Variants in SCYL2 observed in about 807,000 individuals in gnomAD.
The protein encoded by SCYL2 is SCY1 like pseudokinase 2, also known as SCY1-like protein 2.
SCYL2 carries 36 observed loss-of-function variants against 100.4 expected under a neutral mutation model. The observed-to-expected ratio is 0.36, with a 90% CI of 0.27 to 0.47. The LOEUF (loss-of-function observed/expected upper bound fraction) is 0.47, where lower values mean the gene tolerates loss of function less well. Ranked by LOEUF, SCYL2 falls within the 20% of genes least tolerant of loss-of-function variation. SCYL2 has a pLI of 1.00. For synonymous variants in SCYL2, 330 were observed against 359.2 expected (o/e 0.92, Z 0.92); for missense variants, 902 against 1,083.9 (o/e 0.83, Z 2.36).
At position 100,334,157 on chromosome 12, in the gene SCYL2, T is replaced by TG; in HGVS notation, c.1762-9_1762-8insG. The TG allele has an allele frequency of 6.7e-7, 1 of 1,488,232 alleles. No homozygotes were observed. Among genetic ancestry groups the TG allele is most frequent in the Non-Finnish European group, 9.3e-7 (1 of 1,070,346 alleles). The allele number at this position is 1,488,232 out of a possible 1,614,324, so 92.2% of individuals were successfully genotyped here. A position where few individuals can be genotyped will look rare whatever the true frequency, so the allele number is the denominator to read the frequency against. On this transcript the variant is annotated splice_polypyrimidine_tract_variant and intron_variant, in intron 13 of 17. Transcript: ENST00000360820. ...ACATTGTAACCATATCAATTTCTCA[T>TG]TATACCAGTTCAATTCTTTCATTTC...
chr12:100,335,250 A>G (rs1024671565), intron 14 of SCYL2, among the ~76,000 whole-genome samples: 33 of 152,236 alleles, frequency 2.2e-4, no homozygotes, highest in East Asian at 1.4e-3. Flanking sequence ...TCTGGCTCAC[A>G]TAACAGTGAT....
At chr12:100,278,390 G>A (rs1389760264) in intron 1 of SCYL2, among the ~76,000 whole-genome samples, 1 of 151,942 alleles carries the variant, frequency 6.6e-6, no homozygotes, top group African/African-American at 2.4e-5. Flanking sequence ...TGTAGAGATG[G>A]GGTCTTACTG....
At chr12:100,291,300 G>C (rs999375126) in intron 2 of SCYL2, among the ~76,000 whole-genome samples, 1 of 152,094 alleles carries the variant, frequency 6.6e-6, no homozygotes, top group African/African-American at 2.4e-5. Context: ...TTTTTCCTGT[G>C]TTCTTTAGAT....
intron 1 of SCYL2, among the ~76,000 whole-genome samples, chr12:100,276,954 C>G (rs1292345102): frequency 6.6e-6 from 1 of 152,028 alleles, no homozygotes; most frequent in Non-Finnish European, 1.5e-5. Flanking sequence ...TTTTCATTCT[C>G]TTCAAAATAT....
chr12:100,306,676 G>C (rs2096334758), intron 4 of SCYL2, among the ~76,000 whole-genome samples: 1 of 152,160 alleles, frequency 6.6e-6, no homozygotes, highest in Non-Finnish European at 1.5e-5. Flanking sequence ...GAAATAAAGG[G>C]TATTCAGATA....
At chr12:100,309,219 T>G (rs1592952595) in intron 4 of SCYL2, among the ~76,000 whole-genome samples, 1 of 152,028 alleles carries the variant, frequency 6.6e-6, no homozygotes, top group East Asian at 1.9e-4. Context: ...TTGGCCATCT[T>G]ACTCTGCCCT....
chr12:100,294,774 G>A (rs111335162), intron 3 of SCYL2, among the ~76,000 whole-genome samples: 1 of 149,092 alleles, frequency 6.7e-6, no homozygotes, highest in Non-Finnish European at 1.5e-5. Context: ...CTCCCGGACG[G>A]GGCGGCTGGC....
At chr12:100,293,836 G>C (rs1020278961) in intron 3 of SCYL2, among the ~76,000 whole-genome samples, 1 of 152,134 alleles carries the variant, frequency 6.6e-6, no homozygotes, top group African/African-American at 2.4e-5. Context: ...AGAGAGCACA[G>C]GGTTGGGGGT....
At chr12:100,296,803 T>A (rs1334349240) in intron 3 of SCYL2, 2 of 152,132 alleles carry the variant, frequency 1.3e-5, no homozygotes, top group Non-Finnish European at 2.9e-5. Context: ...AATGTGTTAA[T>A]GAGCTACGTG....
chr12:100,269,721 C>T (rs748401079), intron 1 of SCYL2, among the ~76,000 whole-genome samples: 18 of 152,126 alleles, frequency 1.2e-4, no homozygotes, highest in Non-Finnish European at 2.6e-4. Context: ...GATTTCCTTA[C>T]CACTGAAGAG....
At chr12:100,294,551 G>T (rs561547499) in intron 3 of SCYL2, among the ~76,000 whole-genome samples, 2 of 141,462 alleles carry the variant, frequency 1.4e-5, no homozygotes, top group African/African-American at 5.3e-5. Flanking sequence ...CTCCCAGACC[G>T]GGCGGCTGGC....
chr12:100,270,424 C>T (rs977870494), intron 1 of SCYL2, among the ~76,000 whole-genome samples: 26 of 152,124 alleles, frequency 1.7e-4, no homozygotes, highest in Admixed American at 1.5e-3. Context: ...TGTCACCCCT[C>T]TGCTACTGCT....
chr12:100,335,939 A>G (rs933780492), intron 16 of SCYL2, 33 bp downstream of exon 16: 2 of 1,519,460 alleles, frequency 1.3e-6, no homozygotes, highest in Non-Finnish European at 1.8e-6. Context: ...CAGCCCTCTT[A>G]TTTTATGCTG....
chr12:100,315,273 CAA>C (rs1256758413), intron 8 of SCYL2, among the ~76,000 whole-genome samples: 2 of 152,100 alleles, frequency 1.3e-5, no homozygotes, highest in African/African-American at 2.4e-5. Context: ...ATGAAGGAAT[CAA>C]GAGGAAAAAC....
intron 9 of SCYL2, 75 bp downstream of exon 9, chr12:100,315,809 G>T: frequency 8.0e-7 from 1 of 1,257,262 alleles, no homozygotes; most frequent in South Asian, 1.9e-5. Context: ...CAAAAGGAAT[G>T]AATATATGAC....
At position 100,267,209 on chromosome 12, in the gene SCYL2, C is replaced by G; in HGVS notation, c.-612C>G. ...TTCCCCCTCCCTTACTCTTCGTCCCCGGTCCCTCCCCTCCCCACCCCTTTC... is the reference window on the plus strand; with the variant it reads ...TTCCCCCTCCCTTACTCTTCGTCCCGGGTCCCTCCCCTCCCCACCCCTTTC... On this transcript the variant is annotated 5_prime_UTR_variant, in exon 1 of 18. Coordinates refer to ENST00000360820, the MANE Select transcript of SCYL2 (RefSeq NM_017988.6). 3 of 957,452 alleles carry G rather than the reference C, an allele frequency of 3.1e-6. No individual in the cohort carries two copies. The highest frequency in any genetic ancestry group is 5.6e-5 in the Admixed American group (2 of 35,794). The allele number at this position is 957,452 out of a possible 1,614,324, so 59.3% of individuals were successfully genotyped here. A position where few individuals can be genotyped will look rare whatever the true frequency, so the allele number is the denominator to read the frequency against.
intron 12 of SCYL2, among the ~76,000 whole-genome samples, chr12:100,327,755 C>T (rs1319838034): frequency 6.6e-6 from 1 of 152,056 alleles, no homozygotes; most frequent in East Asian, 1.9e-4. Context: ...ACCTTGTGAT[C>T]CACCTGCCTC....
chr12:100,326,343 C>T (rs1239347676), intron 11 of SCYL2, among the ~76,000 whole-genome samples: 1 of 152,070 alleles, frequency 6.6e-6, no homozygotes. Flanking sequence ...GTAAAAGTTT[C>T]TCAAATTCTA....
intron 2 of SCYL2, among the ~76,000 whole-genome samples, chr12:100,284,968 T>TCC (rs2096302881): frequency 6.6e-6 from 1 of 152,146 alleles, no homozygotes; most frequent in Non-Finnish European, 1.5e-5. Context: ...GCTCAGGAGT[T>TCC]TAAGACCAAC....
Sources: allele counts gnomAD v4.1 joint callset (sites outside exome capture counted in the v4.1 genomes callset), GRCh38; gene constraint gnomAD v4.1.1; transcripts MANE v1.5; gene names NCBI Gene and HGNC (gene_info 2026-07-23, HGNC 2026-07-21).